Variants in NARS2 observed in about 807,000 individuals in gnomAD.
The protein encoded by NARS2 is asparaginyl-tRNA synthetase.
A neutral mutation model predicts 62.9 loss-of-function variants in NARS2; 60 were observed. The ratio of observed to expected loss-of-function variants is 0.95; its 90% CI spans 0.77 to 1.18. NARS2 has a LOEUF of 1.18. Among genes scored for constraint, NARS2 ranks in the 50% most tolerant of loss-of-function variants. The pLI is 0.00. For missense variants in NARS2, 619 were observed against 576.4 expected, an observed-to-expected ratio of 1.07 and a Z score of -0.76; for synonymous variants, 196 against 200.0, an observed-to-expected ratio of 0.98 and a Z score of 0.17.
At chr11:78,530,191 C>G (rs1465290670) in intron 5 of NARS2, among the ~76,000 whole-genome samples, 1 of 151,446 alleles carries the variant, frequency 6.6e-6, no homozygotes, top group African/African-American at 2.4e-5. Context: ...ATCTCATTAT[C>G]AATGAAAGGG....
rs374863405 is a variant in NARS2 at position 78,521,597 on chromosome 11, C to T, written c.689+7245G>A. 8.8e-3 allele frequency among the ~76,000 whole-genome samples: 1,339 copies of T among 152,060 alleles called. 28 individuals are homozygous for T. The highest frequency in any genetic ancestry group is 0.031 in the African/African-American group (1,281 of 41,492). On this transcript the variant is annotated intron_variant, in intron 6 of 13. Coordinates refer to ENST00000281038, the MANE Select transcript of NARS2 (RefSeq NM_024678.6). ...CGAGGTCAGGAGATCGAGACCATCCCGGCTAAAATGGTGAAACCTCGCCTC... is the reference window on the plus strand; with the variant it reads ...CGAGGTCAGGAGATCGAGACCATCCTGGCTAAAATGGTGAAACCTCGCCTC...
intron 6 of NARS2, among the ~76,000 whole-genome samples, chr11:78,519,299 A>T (rs1264161055): frequency 6.6e-6 from 1 of 152,182 alleles, no homozygotes; most frequent in African/African-American, 2.4e-5. Context: ...ATCACAAACT[A>T]ATCAATTAAC....
chr11:78,484,595 T>C (rs1243335919), intron 7 of NARS2, among the ~76,000 whole-genome samples: 1 of 152,086 alleles, frequency 6.6e-6, no homozygotes, highest in African/African-American at 2.4e-5. Flanking sequence ...GAACAGACAC[T>C]TCTTAAAAAT....
chr11:78,529,001 A>G, intron 5 of NARS2, 65 bp from the exon 6 acceptor site: 1 of 1,020,276 alleles, frequency 9.8e-7, no homozygotes, highest in Non-Finnish European at 1.5e-6. Context: ...TCACATTCAT[A>G]TACATGTCAC....
intron 13 of NARS2, among the ~76,000 whole-genome samples, chr11:78,440,825 G>A (rs537398670): frequency 8.5e-5 from 13 of 152,184 alleles, no homozygotes; most frequent in South Asian, 2.1e-4. Flanking sequence ...GAGCCACTGC[G>A]CCCAGCCAAT....
At chr11:78,559,742 C>T (rs1319651558) in intron 4 of NARS2, 123 bp from the exon 5 acceptor site, 2 of 634,910 alleles carry the variant, frequency 3.2e-6, no homozygotes, top group East Asian at 2.7e-5. Flanking sequence ...TCCCTAATCC[C>T]CTAAATATTA....
chr11:78,448,800 A>G (rs1857857136), intron 11 of NARS2, among the ~76,000 whole-genome samples: 1 of 152,306 alleles, frequency 6.6e-6, no homozygotes, highest in South Asian at 2.1e-4. Flanking sequence ...TTCTCTATGC[A>G]GTTCATGAGC....
At chr11:78,558,000 A>G (rs1300286898) in intron 5 of NARS2, among the ~76,000 whole-genome samples, 2 of 151,930 alleles carry the variant, frequency 1.3e-5, no homozygotes, top group Non-Finnish European at 2.9e-5. Context: ...AGACTCCTTT[A>G]AATTATACCT....
chr11:78,475,580 CTTTTTTTTTTTTT>C (rs377023107), intron 9 of NARS2, among the ~76,000 whole-genome samples: 966 of 94,036 alleles, frequency 0.01, 15 homozygotes, highest in Non-Finnish European at 0.014. Flanking sequence ...TATCATTTGA[CTTTTTTTTTTTTT>C]TTTTTTTTTT....
In NARS2 at chr11:78,475,540, C is replaced by A. The variant is rs189896163; in HGVS notation, c.959+2898G>T. ...TGCCACTAACAGTTATAAAAGGGTT[C>A]CCAAGCGCCACATCTTTGCCAACAC... is the stretch of plus-strand genomic sequence containing the variant. On this transcript the variant is annotated intron_variant, in intron 9 of 13. Coordinates refer to ENST00000281038, the MANE Select transcript of NARS2 (RefSeq NM_024678.6). Among the ~76,000 whole-genome samples the A allele has an allele frequency of 2.7e-4, 41 of 150,354 alleles. 1 individual carries two copies. The East Asian group carries it at 6.7e-3, about 24-fold the overall frequency.
rs188351946 is a variant in NARS2 at position 78,532,978 on chromosome 11, T to G, written c.595-4042A>C. Among the ~76,000 whole-genome samples, 757 of 152,348 alleles carry G rather than the reference T, an allele frequency of 5.0e-3. 4 individuals are homozygous for G. Among genetic ancestry groups the G allele is most frequent in the African/African-American group, 0.018 (734 of 41,590 alleles). Reference sequence around the variant, plus strand: ...CAATGACCCAACTACTCTGGAGTCTTGTTTTTTCTGGGTGGCCAGTCTCAA... The same window carrying G: ...CAATGACCCAACTACTCTGGAGTCTGGTTTTTTCTGGGTGGCCAGTCTCAA... On this transcript the variant is annotated intron_variant, in intron 5 of 13. Coordinates refer to ENST00000281038, the MANE Select transcript of NARS2 (RefSeq NM_024678.6).
At chr11:78,524,548 G>C (rs1018692115) in intron 6 of NARS2, among the ~76,000 whole-genome samples, 1 of 152,032 alleles carries the variant, frequency 6.6e-6, no homozygotes, top group Admixed American at 6.6e-5. Flanking sequence ...TTTAACTGAT[G>C]AGAAATGGAA....
At chr11:78,500,678 G>A (rs189018689) in intron 6 of NARS2, among the ~76,000 whole-genome samples, 56 of 152,224 alleles carry the variant, frequency 3.7e-4, no homozygotes, top group African/African-American at 1.3e-3. Flanking sequence ...TCACCATGTT[G>A]TAAAGATCCC....
intron 6 of NARS2, among the ~76,000 whole-genome samples, chr11:78,503,960 C>T (rs890834922): frequency 1.3e-5 from 2 of 152,162 alleles, no homozygotes; most frequent in Admixed American, 1.3e-4. Flanking sequence ...ATGACCTATA[C>T]AAAAGGCAGA....
At chr11:78,521,895 TAACA>T (rs1411209319) in intron 6 of NARS2, among the ~76,000 whole-genome samples, 1 of 151,712 alleles carries the variant, frequency 6.6e-6, no homozygotes, top group Non-Finnish European at 1.5e-5. Flanking sequence ...TCACTCACAC[TAACA>T]AAGAGAATTA....
chr11:78,534,703 T>A (rs1489353167), intron 5 of NARS2, among the ~76,000 whole-genome samples: 1 of 152,214 alleles, frequency 6.6e-6, no homozygotes, highest in African/African-American at 2.4e-5. Flanking sequence ...ACGGTCTCTC[T>A]TATTACTGGA....
intron 5 of NARS2, among the ~76,000 whole-genome samples, chr11:78,536,612 C>T (rs1200829656): frequency 6.6e-6 from 1 of 151,478 alleles, no homozygotes; most frequent in Non-Finnish European, 1.5e-5. Flanking sequence ...TGTACTCATA[C>T]AACGTGTTTT....
intron 7 of NARS2, among the ~76,000 whole-genome samples, chr11:78,483,807 C>A (rs1016281827): frequency 2.0e-5 from 3 of 152,126 alleles, no homozygotes; most frequent in African/African-American, 7.2e-5. Context: ...GTGAAAATGG[C>A]CATGCTGCCC....
chr11:78,454,543 A>G (rs1294473044), intron 11 of NARS2, among the ~76,000 whole-genome samples: 1 of 151,988 alleles, frequency 6.6e-6, no homozygotes, highest in Non-Finnish European at 1.5e-5. Context: ...AGAAGCTGAG[A>G]AGTTGATGCC....
Sources: allele counts gnomAD v4.1 joint callset (sites outside exome capture counted in the v4.1 genomes callset), GRCh38; gene constraint gnomAD v4.1.1; transcripts MANE v1.5; gene names NCBI Gene and HGNC (gene_info 2026-07-23, HGNC 2026-07-21).